Variants in ELF3 observed in about 807,000 individuals in gnomAD.
ELF3 encodes E74 like ETS transcription factor 3.
In ELF3, 18 loss-of-function variants were observed where a neutral mutation model predicts 43.9. That is an observed-to-expected ratio of 0.41 (90% confidence interval 0.28 to 0.61). The LOEUF is 0.61. ELF3 is among the 20% of genes least tolerant of loss of function. The pLI is 0.30. For synonymous variants in ELF3, 181 were observed against 190.2 expected (o/e 0.95, Z 0.40); for missense variants, 373 against 487.7 (o/e 0.76, Z 2.21).
chr1:202,011,103 C>A, intron 1 of ELF3, 26 bp from the exon 2 acceptor site: 1 of 1,612,420 alleles, frequency 6.2e-7, no homozygotes, highest in Non-Finnish European at 8.5e-7. Flanking sequence ...CCTCACCAAC[C>A]TCATCCTCTC....
rs146238736 is a variant in ELF3, at chr1:202,013,480, G to A, written c.805+182G>A. ...ACCACCTAATTGCAGAGCCTGGCTT[G>A]GTGGTCCTGGAGAGGAGGAGGAAAT... On this transcript the variant is annotated intron_variant, in intron 7 of 8. Coordinates refer to ENST00000367284, the MANE Select transcript of ELF3 (RefSeq NM_004433.5). The surrounding 1 kb of genome is among the most constrained non-coding windows in gnomAD (Gnocchi z 5.7). 8.5e-5 allele frequency among the ~76,000 whole-genome samples: 13 copies of A among 152,266 alleles called. No homozygotes were observed. The highest frequency in any genetic ancestry group is 1.3e-4 in the Non-Finnish European group (9 of 68,028).
Position 202,013,289 on chromosome 1 carries a change from A to C in ELF3, c.796A>C (p.Ser266Arg). The C allele has an allele frequency of 6.2e-7, 1 of 1,613,562 alleles. No homozygotes were observed. Among genetic ancestry groups the C allele is most frequent in the Non-Finnish European group, 8.5e-7 (1 of 1,179,522 alleles). The change falls in exon 7 of 9, where the codon AGC becomes CGC. Residue 266 changes from serine to arginine, a missense_variant. Physicochemically the swap from Ser to Arg is moderately radical, Grantham distance 110 (BLOSUM62 -1). Coordinates refer to ENST00000367284, the MANE Select transcript of ELF3 (RefSeq NM_004433.5). The surrounding 1 kb of genome is among the most constrained non-coding windows in gnomAD (Gnocchi z 5.7). ...CTGGGACTGTCTCGAGGGCAAGAAG[A>C]GCAAGCACGGTGAGCTCCGGGGGCA... is the stretch of plus-strand genomic sequence containing the variant. ...EYWDCLEGKKSKHAPRGTHLW... is the reference protein window; with the variant it reads ...EYWDCLEGKKRKHAPRGTHLW...
chr1:202,013,172 G>A lies in ELF3; in HGVS notation c.689-10G>A, dbSNP rs547512848. On this transcript the variant is annotated splice_polypyrimidine_tract_variant and intron_variant, in intron 6 of 8. Coordinates refer to ENST00000367284, the MANE Select transcript of ELF3 (RefSeq NM_004433.5). The surrounding 1 kb of genome is among the most constrained non-coding windows in gnomAD (Gnocchi z 5.7). ...TGCCCCTCCTTGACCTTCCACCACC[G>A]TCCCCACAGATGGTTTTCGTGACTG... 2.4e-5 allele frequency: 38 copies of A among 1,613,666 alleles called. 1 individual carries two copies. The highest frequency in any genetic ancestry group is 1.7e-4 in the Middle Eastern group (1 of 6,060).
chr1:202,012,113 T>C lies in ELF3; in HGVS notation c.320T>C (p.Leu107Pro). The C allele has an allele frequency of 2.5e-6, 4 of 1,614,108 alleles. No homozygotes were observed. The highest frequency in any genetic ancestry group is 3.4e-6 in the Non-Finnish European group (4 of 1,180,038). The change falls in exon 3 of 9, where the codon CTT (leucine) becomes CCT (proline). Residue 107 changes from leucine (L) to proline (P), a missense_variant. This residue lies in a region of ELF3 where 311 missense variants were observed against 351.2 expected (regional missense o/e 0.89). Coordinates refer to ENST00000367284, the MANE Select transcript of ELF3 (RefSeq NM_004433.5). This position sits in a 1 kb window ranked among gnomAD's most constrained non-coding sequence, Gnocchi z 4.2. ...MDGATLCNCALEELRLVFGPL... is the reference protein window; with the variant it reads ...MDGATLCNCAPEELRLVFGPL... The stretch of plus-strand genomic sequence containing the variant: ...GGCGCCACCCTCTGCAATTGTGCCC[T>C]TGAGGAGCTGCGTCTGGTCTTTGGG...
chr1:202,015,516 T>G lies in ELF3; in HGVS notation c.*193T>G, dbSNP rs1008207099. On this transcript the variant is annotated 3_prime_UTR_variant, in exon 9 of 9. Transcript: ENST00000367284. ...AGACTATGGCCTCGCCTCCCCACCC[T>G]CCTCTTGGAATTACAAGCCCTGGGG... 6.8e-6 allele frequency: 4 copies of G among 592,190 alleles called. No homozygotes were observed. The Admixed American group carries it at 1.2e-4, about 18-fold the overall frequency. The allele number at this position is 592,190 out of a possible 1,614,324, so 36.7% of individuals were successfully genotyped here.
chr1:202,013,681 G>A lies in ELF3; in HGVS notation c.806-148G>A. Reference sequence around the variant, plus strand: ...GCTGAGGAGAAAAGCAGTCACTGCAGTACCCGCACAGAGGGCACTGCGGGG... The same window carrying A: ...GCTGAGGAGAAAAGCAGTCACTGCAATACCCGCACAGAGGGCACTGCGGGG... On this transcript the variant is annotated intron_variant, in intron 7 of 8. Transcript: ENST00000367284. This position sits in a 1 kb window ranked among gnomAD's most constrained non-coding sequence, Gnocchi z 5.7. 1 of 854,554 alleles carries A rather than the reference G, an allele frequency of 1.2e-6. No individual in the cohort carries two copies. 52.9% of individuals were successfully genotyped at this position (854,554 alleles called of 1,614,324 possible). A position where few individuals can be genotyped will look rare whatever the true frequency, so the allele number is the denominator to read the frequency against.
chr1:202,012,752 C>T lies in ELF3; in HGVS notation c.591C>T (p.Ser197=), dbSNP rs1266652380. 6.4e-7 allele frequency: 1 copy of T among 1,567,348 alleles called. No homozygotes were observed. Among genetic ancestry groups the T allele is most frequent in the African/African-American group, 1.4e-5 (1 of 73,580 alleles). Residue 197 remains serine (S), a synonymous_variant, in exon 5 of 9, where the codon TCC becomes TCT. Coordinates refer to ENST00000367284, the MANE Select transcript of ELF3 (RefSeq NM_004433.5). The surrounding 1 kb of genome is among the most constrained non-coding windows in gnomAD (Gnocchi z 4.2). The part of the protein sequence containing the change: ...GAPSPGSSDV[S]TAGTGASRSS... ...CCTCCCCTGGCAGCTCTGACGTCTCCACCGCAGGTGAGAGCTCTCTCTGGG... is the reference window on the plus strand; with the variant it reads ...CCTCCCCTGGCAGCTCTGACGTCTCTACCGCAGGTGAGAGCTCTCTCTGGG...
chr1:202,012,429 G>A lies in ELF3; in HGVS notation c.471G>A (p.Gly157=). The A allele has an allele frequency of 2.5e-6, 4 of 1,613,866 alleles. No homozygotes were observed. The highest frequency in any genetic ancestry group is 1.7e-4 in the Middle Eastern group (1 of 6,056). Reference sequence around the variant, plus strand: ...CCTTCCAGGAGGCCCTAGACCCAGGGCCCTTTGGTGAGAACCCGTTTTCTC... The same window carrying A: ...CCTTCCAGGAGGCCCTAGACCCAGGACCCTTTGGTGAGAACCCGTTTTCTC... The part of the protein sequence containing the change: ...GMAFQEALDP[G]PFDQGSPFAQ... Residue 157 remains glycine (G), a synonymous_variant, in exon 4 of 9, where the codon GGG becomes GGA. Transcript: ENST00000367284. The surrounding 1 kb of genome is among the most constrained non-coding windows in gnomAD (Gnocchi z 4.2).
chr1:202,013,834 A>G lies in ELF3; in HGVS notation c.811A>G (p.Arg271Gly). The G allele has an allele frequency of 6.2e-7, 1 of 1,610,912 alleles. No individual in the cohort carries two copies. Among genetic ancestry groups the G allele is most frequent in the Non-Finnish European group, 8.5e-7 (1 of 1,177,620 alleles). The change falls in exon 8 of 9, where the codon AGA becomes GGA. Residue 271 changes from arginine (R) to glycine (G), a missense_variant. Arg to Gly is a moderately radical substitution (Grantham distance 125). Transcript: ENST00000367284. The surrounding 1 kb of genome is among the most constrained non-coding windows in gnomAD (Gnocchi z 5.7). ...GATGGAGGCTGGCCTTGCAGCGCCC[A>G]GAGGCACCCACCTGTGGGAGTTCAT... ...LEGKKSKHAPRGTHLWEFIRD... is the reference protein window; with the variant it reads ...LEGKKSKHAPGGTHLWEFIRD...
In ELF3 at chr1:202,012,154, C is replaced by A. The variant is rs151176873; in HGVS notation, c.361C>A (p.Leu121Ile). The A allele has an allele frequency of 2.0e-5, 32 of 1,613,616 alleles. No homozygotes were observed. The highest frequency in any genetic ancestry group is 1.5e-4 in the African/African-American group (11 of 75,052). Residue 121 changes from leucine (L) to isoleucine (I), a missense_variant, in exon 3 of 9, where the codon CTC (leucine) becomes ATC (isoleucine). By Grantham distance (5) the Leu-to-Ile change is conservative. Coordinates refer to ENST00000367284, the MANE Select transcript of ELF3 (RefSeq NM_004433.5). This position sits in a 1 kb window ranked among gnomAD's most constrained non-coding sequence, Gnocchi z 4.2. ...GGTCTTTGGGCCTCTGGGGGACCAACTCCATGCCCAGCTGCGAGACCTCAG... is the reference window on the plus strand; with the variant it reads ...GGTCTTTGGGCCTCTGGGGGACCAAATCCATGCCCAGCTGCGAGACCTCAG... Reference protein sequence around the residue: ...RLVFGPLGDQLHAQLRDLTSS... With the variant: ...RLVFGPLGDQIHAQLRDLTSS...
Position 202,013,893 on chromosome 1 carries a change from G to A in ELF3, c.870G>A (p.Glu290=). The change falls in exon 8 of 9, where the codon GAG becomes GAA. Residue 290 remains glutamate (E), a synonymous_variant. Coordinates refer to ENST00000367284, the MANE Select transcript of ELF3 (RefSeq NM_004433.5). This position sits in a 1 kb window ranked among gnomAD's most constrained non-coding sequence, Gnocchi z 5.7. ...TCCTCATCCACCCGGAGCTCAACGA[G>A]GGCCTCATGAAGTGGGAGAATCGGC... ...RDILIHPELN[E]GLMKWENRHE... 6.2e-7 allele frequency: 1 copy of A among 1,614,080 alleles called. No homozygotes were observed. Among genetic ancestry groups the A allele is most frequent in the South Asian group, 1.1e-5 (1 of 91,060 alleles).
In ELF3 at chr1:202,013,727, A is replaced by G; in HGVS notation, c.806-102A>G. ...CGGGGTCTCTGGAGAGGCTTGCTGC[A>G]TGCTGTGGCCAAGTCAGCAGTGCAC... On this transcript the variant is annotated intron_variant, in intron 7 of 8. Transcript: ENST00000367284. The surrounding 1 kb of genome is among the most constrained non-coding windows in gnomAD (Gnocchi z 5.7). 10 of 1,314,916 alleles carry G rather than the reference A, an allele frequency of 7.6e-6. No individual in the cohort carries two copies. The highest frequency in any genetic ancestry group is 1.0e-5 in the Non-Finnish European group (10 of 964,134). The allele number at this position is 1,314,916 out of a possible 1,614,324, so 81.5% of individuals were successfully genotyped here.
In ELF3 at chr1:202,011,298, A is replaced by AGGT; in HGVS notation, c.163+2_163+4dup. ...ACCCCCAGATGTCATTGGAGGGTAC[A>AGGT]GGTGGGTCTCAGCGGGGTGGGATGG... On this transcript the variant is annotated inframe_insertion and splice_region_variant, in exon 2 of 9. Transcript: ENST00000367284. The AGGT allele has an allele frequency of 6.3e-7, 1 of 1,574,832 alleles. No individual in the cohort carries two copies. Among genetic ancestry groups the AGGT allele is most frequent in the Non-Finnish European group, 8.6e-7 (1 of 1,158,506 alleles).
In ELF3 at chr1:202,012,083, T is replaced by C; in HGVS notation, c.290T>C (p.Met97Thr). The C allele has an allele frequency of 6.2e-7, 1 of 1,614,196 alleles. No homozygotes were observed. Among genetic ancestry groups the C allele is most frequent in the Non-Finnish European group, 8.5e-7 (1 of 1,180,044 alleles). ...GCCATTGACTTCTCACGATGTGACATGGATGGCGCCACCCTCTGCAATTGT... is the reference window on the plus strand; with the variant it reads ...GCCATTGACTTCTCACGATGTGACACGGATGGCGCCACCCTCTGCAATTGT... The part of the protein sequence containing the change: ...ASAIDFSRCD[M>T]DGATLCNCAL... The change falls in exon 3 of 9, where the codon ATG (methionine) becomes ACG (threonine). Residue 97 changes from methionine to threonine, a missense_variant. This residue lies in a region of ELF3 where 311 missense variants were observed against 351.2 expected (regional missense o/e 0.89). Transcript: ENST00000367284. The surrounding 1 kb of genome is among the most constrained non-coding windows in gnomAD (Gnocchi z 4.2).
chr1:202,011,412 G>A (rs1684193246), intron 2 of ELF3, 113 bp downstream of exon 2: 1 of 1,340,906 alleles, frequency 7.5e-7, no homozygotes, highest in Admixed American at 2.9e-5. Context: ...AAATTCCAGG[G>A]CTAGAGGCTG....
Position 202,012,076 on chromosome 1 carries a change from T to C in ELF3, c.283T>C (p.Cys95Arg). ...YDASAIDFSR[C>R]DMDGATLCNC... ...CGCAAGCGCCATTGACTTCTCACGA[T>C]GTGACATGGATGGCGCCACCCTCTG... is the stretch of plus-strand genomic sequence containing the variant. Residue 95 changes from cysteine (C) to arginine (R), a missense_variant, in exon 3 of 9, where the codon TGT (cysteine) becomes CGT (arginine). Cys to Arg is a radical substitution (Grantham distance 180). Coordinates refer to ENST00000367284, the MANE Select transcript of ELF3 (RefSeq NM_004433.5). This position sits in a 1 kb window ranked among gnomAD's most constrained non-coding sequence, Gnocchi z 4.2. 4 of 1,614,206 alleles carry C rather than the reference T, an allele frequency of 2.5e-6. No individual in the cohort carries two copies. The highest frequency in any genetic ancestry group is 3.4e-6 in the Non-Finnish European group (4 of 1,180,040).
chr1:202,015,373 A>G lies in ELF3; in HGVS notation c.*50A>G. 6 of 1,588,788 alleles carry G rather than the reference A, an allele frequency of 3.8e-6. No homozygotes were observed. The highest frequency in any genetic ancestry group is 5.2e-6 in the Non-Finnish European group (6 of 1,161,380). On this transcript the variant is annotated 3_prime_UTR_variant, in exon 9 of 9. Transcript: ENST00000367284. ...AACTCACGGACCACTCGAGGCCTGC[A>G]AACCTTCCTGGGAGGACAGGCAGGC...
At position 202,016,470 on chromosome 1, in the gene ELF3, T is replaced by G. The variant is rs936015824; in HGVS notation, c.*1147T>G. On this transcript the variant is annotated 3_prime_UTR_variant, in exon 9 of 9. Transcript: ENST00000367284. ...TGCTGTAAACTGTATATCTGTAATA[T>G]GAATCCCAGCTTTTGAGTCTGACAA... 6.0e-5 allele frequency: 9 copies of G among 149,332 alleles called. No homozygotes were observed. Among genetic ancestry groups the G allele is most frequent in the African/African-American group, 2.0e-4 (8 of 40,426 alleles). 9.3% of individuals were successfully genotyped at this position (149,332 alleles called of 1,614,324 possible).
At position 202,015,482 on chromosome 1, in the gene ELF3, G is replaced by C; in HGVS notation, c.*159G>C. The C allele has an allele frequency of 1.4e-6, 1 of 699,894 alleles. No individual in the cohort carries two copies. The highest frequency in any genetic ancestry group is 2.4e-6 in the Non-Finnish European group (1 of 421,014). The allele number at this position is 699,894 out of a possible 1,614,324, so 43.4% of individuals were successfully genotyped here. ...TTGGTGTATTGTCAGCCATCGTCCTGGGACTCGGAGACTATGGCCTCGCCT... is the reference window on the plus strand; with the variant it reads ...TTGGTGTATTGTCAGCCATCGTCCTCGGACTCGGAGACTATGGCCTCGCCT... On this transcript the variant is annotated 3_prime_UTR_variant, in exon 9 of 9. Coordinates refer to ENST00000367284, the MANE Select transcript of ELF3 (RefSeq NM_004433.5).
Sources: gnomAD v4.1 joint callset for allele counts (sites outside exome capture counted in the v4.1 genomes callset) on GRCh38, gnomAD v4.1.1 for gene constraint, gnomAD v4.1.1 regional missense constraint, Gnocchi (gnomAD v3.1) non-coding constraint, MANE v1.5 for transcripts, NCBI Gene and HGNC (gene_info 2026-07-23, HGNC 2026-07-21) for gene names.